The following CORO7 variants were observed in gnomAD, a reference collection of about 807,000 sequenced individuals.
CORO7 encodes the protein coronin 7.
Under a neutral mutation model 126.6 loss-of-function variants are expected in CORO7, and 107 were observed. The ratio of observed to expected loss-of-function variants is 0.85; its 90% CI spans 0.72 to 0.99. CORO7 has a LOEUF of 0.99. CORO7 is among the 50% of genes least tolerant of loss of function. The pLI, the probability that CORO7 is intolerant of heterozygous loss-of-function variation, is 0.00. For missense variants in CORO7, 1,314 were observed against 1,255.8 expected (o/e 1.05, Z -0.70); for synonymous variants, 603 against 536.8 (o/e 1.12, Z -1.70).
At chr16:4,360,387 C>A (rs775163087) in intron 20 of CORO7, 24 bp from the exon 21 acceptor site, 14 of 1,613,426 alleles carry the variant, frequency 8.7e-6, no homozygotes, top group Non-Finnish European at 1.2e-5. Context: ...TCGCGTGACA[C>A]CCAGCCAGCA....
chr16:4,358,324 C>T lies in CORO7; in HGVS notation c.2457+43G>A, dbSNP rs61559526. ...GGGACCCAAACTCCCCTCTAGGCAC[C>T]GAGAAGGCGGTGGGCATGGGAGTCC... On this transcript the variant is annotated intron_variant, in intron 24 of 27. Transcript: ENST00000251166. 5,610 of 1,600,350 alleles carry T rather than the reference C, an allele frequency of 3.5e-3. 180 individuals are homozygous for T. In the African/African-American group the frequency reaches 0.064, roughly 18 times the overall value.
intron 9 of CORO7, chr16:4,382,893 C>A: frequency 1.3e-6 from 2 of 1,516,610 alleles, no homozygotes; most frequent in South Asian, 1.3e-5. Flanking sequence ...CAAAGCCCTA[C>A]ATCTAAGCCA....
chr16:4,361,062 G>A lies in CORO7; in HGVS notation c.1798C>T (p.Leu600=). 1 of 1,613,388 alleles carries A rather than the reference G, an allele frequency of 6.2e-7. No individual in the cohort carries two copies. Among genetic ancestry groups the A allele is most frequent in the Non-Finnish European group, 8.5e-7 (1 of 1,180,020 alleles). Residue 600 remains leucine (L), a synonymous_variant, in exon 19 of 28, where the codon CTG becomes TTG. Transcript: ENST00000251166. ...LTGHTEKICS[L]RFHPLAANVL... ...TTGGCTGCCAGTGGGTGGAAGCGCA[G>A]GGAGCAGATCTTCTCCGTGTGGCCT...
At chr16:4,364,721 C>T (rs1458492906) in intron 12 of CORO7, 32 bp from the exon 13 acceptor site, 6 of 1,588,616 alleles carry the variant, frequency 3.8e-6, no homozygotes, top group African/African-American at 1.3e-5. Flanking sequence ...GCTAGTGAGG[C>T]CCAGGCCCCC....
intron 9 of CORO7, among the ~76,000 whole-genome samples, chr16:4,367,673 A>G (rs575376163): frequency 2.0e-5 from 3 of 152,270 alleles, no homozygotes; most frequent in South Asian, 4.2e-4. Flanking sequence ...TCACAGGAAG[A>G]GAGTTTCAGA....
chr16:4,392,938 G>T (rs1241478503), intron 7 of CORO7, among the ~76,000 whole-genome samples: 2 of 152,242 alleles, frequency 1.3e-5, no homozygotes, highest in Non-Finnish European at 2.9e-5. Flanking sequence ...CCCGCAGGGG[G>T]GCTCCCTCCA....
At chr16:4,357,366 T>C (rs1291859553) in intron 25 of CORO7, 107 bp from the exon 26 acceptor site, 34 of 1,275,276 alleles carry the variant, frequency 2.7e-5, no homozygotes, top group Middle Eastern at 2.5e-4. Context: ...TTTTTTTTTT[T>C]TTTTTTTTGA....
chr16:4,359,279 C>A lies in CORO7; in HGVS notation c.2340+17G>T. On this transcript the variant is annotated intron_variant, in intron 23 of 27. Transcript: ENST00000251166. ...CCTTGTGGTCCCATCGGGGACGAGGCGCCAGGGTGGCCTCACCTTGTGGGG... is the reference window on the plus strand; with the variant it reads ...CCTTGTGGTCCCATCGGGGACGAGGAGCCAGGGTGGCCTCACCTTGTGGGG... The A allele has an allele frequency of 5.7e-6, 9 of 1,584,682 alleles. No homozygotes were observed. Among genetic ancestry groups the A allele is most frequent in the Non-Finnish European group, 7.7e-6 (9 of 1,166,854 alleles).
intron 9 of CORO7, chr16:4,382,270 A>C: frequency 6.2e-7 from 1 of 1,608,122 alleles, no homozygotes; most frequent in East Asian, 2.2e-5. Context: ...ACGGTCCCTG[A>C]CCCTGGGCAT....
rs2054178419 is a variant in CORO7, at chr16:4,361,481, G to A, written c.1579-12C>T. On this transcript the variant is annotated splice_polypyrimidine_tract_variant and intron_variant, in intron 16 of 27. Coordinates refer to ENST00000251166, the MANE Select transcript of CORO7 (RefSeq NM_024535.5). ...CCAGGCTTCCGTAGCTGTGGGAGGT[G>A]CCCCCACCCCGAGGCCCATCAGTAC... 1.2e-6 allele frequency: 2 copies of A among 1,610,326 alleles called. No homozygotes were observed. Among genetic ancestry groups the A allele is most frequent in the Non-Finnish European group, 8.5e-7 (1 of 1,179,438 alleles).
rs551692977 is a variant in CORO7, at chr16:4,395,081, G to A, written c.615+208C>T. On this transcript the variant is annotated intron_variant, in intron 7 of 27. Transcript: ENST00000251166. ...GGGGGAAGCTTAGCTTCTGCCACCCGGTGATCAAAGCCAGGCCCTCCCAGG... is the reference window on the plus strand; with the variant it reads ...GGGGGAAGCTTAGCTTCTGCCACCCAGTGATCAAAGCCAGGCCCTCCCAGG... 7.2e-5 allele frequency among the ~76,000 whole-genome samples: 11 copies of A among 152,286 alleles called. No individual in the cohort carries two copies. The South Asian group carries it at 1.9e-3, about 26-fold the overall frequency.
rs756395820 is a variant in CORO7 at position 4,355,304 on chromosome 16, G to T, written c.2754C>A (p.Gly918=). The change falls in exon 27 of 28, where the codon GGC becomes GGA. Residue 918 remains glycine, a synonymous_variant. Coordinates refer to ENST00000251166, the MANE Select transcript of CORO7 (RefSeq NM_024535.5). ...EDPLPQDSFE[G]VDEDEWD ...TACTCACCCACTCGTCCTCGTCCAC[G>T]CCTTCAAAGGAGTCCTGGGGGAGTG... is the stretch of plus-strand genomic sequence containing the variant. 6.2e-7 allele frequency: 1 copy of T among 1,613,440 alleles called. No individual in the cohort carries two copies. Among genetic ancestry groups the T allele is most frequent in the East Asian group, 2.2e-5 (1 of 44,876 alleles).
chr16:4,382,635 C>T (rs773902148), intron 9 of CORO7: 9 of 1,562,936 alleles, frequency 5.8e-6, no homozygotes, highest in Non-Finnish European at 7.8e-6. Context: ...CCGCGGTGCT[C>T]CTGGCCGCGC....
At chr16:4,370,434 G>A (rs1306781229) in intron 9 of CORO7, among the ~76,000 whole-genome samples, 6 of 152,196 alleles carry the variant, frequency 3.9e-5, no homozygotes, top group Non-Finnish European at 8.8e-5. Context: ...ATGCAAGCTG[G>A]GAAGCCCCAT....
intron 6 of CORO7, 34 bp from the exon 7 acceptor site, chr16:4,395,373 T>A (rs780523198): frequency 1.9e-6 from 3 of 1,613,582 alleles, no homozygotes; most frequent in East Asian, 4.5e-5. Context: ...CAACTTGCGA[T>A]TAGGGCTGGA....
chr16:4,414,337 G>C (rs899520471), intron 1 of CORO7: 3 of 152,134 alleles, frequency 2.0e-5, no homozygotes, highest in Admixed American at 2.0e-4. Flanking sequence ...GTCAGTAAAA[G>C]AAACACCCCC....
At chr16:4,391,548 T>A (rs1025608063) in intron 7 of CORO7, among the ~76,000 whole-genome samples, 2 of 151,882 alleles carry the variant, frequency 1.3e-5, no homozygotes, top group Non-Finnish European at 2.9e-5. Flanking sequence ...AGAGCAAGAC[T>A]CTATCTCAAA....
At chr16:4,400,111 C>A (rs536014403) in intron 6 of CORO7, among the ~76,000 whole-genome samples, 1 of 152,180 alleles carries the variant, frequency 6.6e-6, no homozygotes, top group East Asian at 1.9e-4. Flanking sequence ...GAAACTACTC[C>A]GTATAGTGGT....
intron 6 of CORO7, among the ~76,000 whole-genome samples, chr16:4,397,025 AAAAAAG>A (rs1185505420): frequency 6.6e-6 from 1 of 150,754 alleles, no homozygotes; most frequent in African/African-American, 2.4e-5. Context: ...CAAAAAAAAA[AAAAAAG>A]AAAGAAAGAA....
Sources: gnomAD v4.1 joint callset for allele counts (sites outside exome capture counted in the v4.1 genomes callset) on GRCh38, gnomAD v4.1.1 for gene constraint, MANE v1.5 for transcripts, NCBI Gene and HGNC (gene_info 2026-07-23, HGNC 2026-07-21) for gene names.